Variants in LYRM4 observed in about 807,000 individuals in gnomAD.
LYRM4 encodes the protein LYR motif containing 4.
A neutral mutation model predicts 11.7 loss-of-function variants in LYRM4; 9 were observed. That is an observed-to-expected ratio of 0.77 (90% CI 0.46 to 1.34). The LOEUF (loss-of-function observed/expected upper bound fraction) is 1.34. Ranked by LOEUF, LYRM4 falls within the 40% of genes most tolerant of loss-of-function variation. The pLI is 0.00. For synonymous variants in LYRM4, 42 were observed against 40.4 expected (o/e 1.04, Z -0.15); for missense variants, 133 against 112.5 (o/e 1.18, Z -0.82).
At chr6:5,045,291 A>C in the LYRM4 span, among the ~76,000 whole-genome samples, 1 of 152,366 alleles carries the variant, frequency 6.6e-6, no homozygotes, top group African/African-American at 2.4e-5. Context: ...CTTAACAAGG[A>C]AGGAAGTCCC....
chr6:5,083,029 T>G, the LYRM4 span, among the ~76,000 whole-genome samples: 1 of 152,186 alleles, frequency 6.6e-6, no homozygotes, highest in Non-Finnish European at 1.5e-5. Context: ...TCCCACGCAC[T>G]GAGAGCTCCC....
intron 1 of LYRM4, among the ~76,000 whole-genome samples, chr6:5,226,510 G>A (rs951864723): frequency 2.6e-5 from 4 of 151,926 alleles, no homozygotes; most frequent in East Asian, 1.9e-4. Context: ...TCAGCCTCCC[G>A]AGTAGCTGGG....
At chr6:5,035,435 T>C in the LYRM4 span, among the ~76,000 whole-genome samples, 2 of 151,218 alleles carry the variant, frequency 1.3e-5, no homozygotes, top group African/African-American at 4.9e-5. Flanking sequence ...TGACATGCCC[T>C]GCACACACCT....
the LYRM4 span, chr6:5,043,382 A>G: frequency 6.6e-6 from 1 of 152,160 alleles, no homozygotes; most frequent in Non-Finnish European, 1.5e-5. Flanking sequence ...AGGCTGGCCT[A>G]CAAGGACTCC....
At chr6:5,036,270 C>T in the LYRM4 span, among the ~76,000 whole-genome samples, 78 of 152,126 alleles carry the variant, frequency 5.1e-4, 1 homozygote, top group African/African-American at 1.8e-3. Flanking sequence ...AGTGTAATTC[C>T]AGAATATTGA....
At chr6:5,091,237 G>A in the LYRM4 span, among the ~76,000 whole-genome samples, 5 of 152,186 alleles carry the variant, frequency 3.3e-5, no homozygotes, top group Admixed American at 6.5e-5. Flanking sequence ...TGACAATCCG[G>A]GCTCATTGCA....
intron 2 of LYRM4, among the ~76,000 whole-genome samples, chr6:5,127,728 T>A (rs765136953): frequency 2.0e-5 from 3 of 152,272 alleles, no homozygotes; most frequent in Non-Finnish European, 4.4e-5. Flanking sequence ...TTTTGCTTTT[T>A]AAAATGTGGC....
chr6:5,075,712 C>T, the LYRM4 span, among the ~76,000 whole-genome samples: 1 of 152,158 alleles, frequency 6.6e-6, no homozygotes, highest in African/African-American at 2.4e-5. Flanking sequence ...ATGTTGAGTG[C>T]TACATTGCTT....
intron 2 of LYRM4, among the ~76,000 whole-genome samples, chr6:5,132,458 A>G (rs569767465): frequency 6.6e-6 from 1 of 152,352 alleles, no homozygotes; most frequent in Non-Finnish European, 1.5e-5. Flanking sequence ...CTCCTCTGAA[A>G]GAATGTCTTC....
chr6:5,187,576 G>A (rs1248425586), intron 2 of LYRM4, among the ~76,000 whole-genome samples: 1 of 152,100 alleles, frequency 6.6e-6, no homozygotes, highest in Admixed American at 6.5e-5. Flanking sequence ...ACACAGGGCA[G>A]GGGAACATCA....
At chr6:5,053,410 G>T in the LYRM4 span, among the ~76,000 whole-genome samples, 11 of 152,218 alleles carry the variant, frequency 7.2e-5, no homozygotes, top group South Asian at 2.3e-3. Context: ...GGAGCAAGGA[G>T]AGAAGACAGG....
intron 2 of LYRM4, among the ~76,000 whole-genome samples, chr6:5,141,140 G>A (rs1757384827): frequency 6.6e-6 from 1 of 152,214 alleles, no homozygotes; most frequent in Non-Finnish European, 1.5e-5. Context: ...AAAAGAAGAT[G>A]GCACTGTTGA....
At chr6:5,258,840 T>G (rs1300681386) in intron 1 of LYRM4, among the ~76,000 whole-genome samples, 1 of 152,222 alleles carries the variant, frequency 6.6e-6, no homozygotes, top group Non-Finnish European at 1.5e-5. Context: ...CATTTTCAAT[T>G]TTCTGCCTTT....
chr6:5,251,549 C>T (rs1764429568), intron 1 of LYRM4, among the ~76,000 whole-genome samples: 1 of 152,112 alleles, frequency 6.6e-6, no homozygotes, highest in African/African-American at 2.4e-5. Flanking sequence ...GGAGATGCCA[C>T]ATACTTTAAA....
chr6:5,063,029 G>A, the LYRM4 span, among the ~76,000 whole-genome samples: 18 of 152,278 alleles, frequency 1.2e-4, no homozygotes, highest in East Asian at 3.5e-3. Context: ...CACTGGGTCT[G>A]CTCGTTCACA....
At chr6:5,179,177 T>A (rs115932030) in intron 2 of LYRM4, among the ~76,000 whole-genome samples, 1 of 151,860 alleles carries the variant, frequency 6.6e-6, no homozygotes, top group Non-Finnish European at 1.5e-5. Context: ...AAAATATATA[T>A]AACACAAAAT....
the LYRM4 span, among the ~76,000 whole-genome samples, chr6:5,057,297 G>A: frequency 6.6e-6 from 1 of 152,172 alleles, no homozygotes; most frequent in Non-Finnish European, 1.5e-5. Flanking sequence ...TCGACCTGAA[G>A]GGGGAGCTCA....
At chr6:5,075,730 A>T in the LYRM4 span, among the ~76,000 whole-genome samples, 2 of 152,352 alleles carry the variant, frequency 1.3e-5, no homozygotes, top group South Asian at 4.1e-4. Flanking sequence ...CTTTTTAAAA[A>T]ATTCTTATTA....
the LYRM4 span, among the ~76,000 whole-genome samples, chr6:5,074,727 A>G: frequency 6.6e-6 from 1 of 151,758 alleles, no homozygotes; most frequent in African/African-American, 2.4e-5. Context: ...GAAGTGATTA[A>G]GGGAAGTGAT....
Sources: allele counts gnomAD v4.1 joint callset (sites outside exome capture counted in the v4.1 genomes callset), GRCh38; gene constraint gnomAD v4.1.1; transcripts MANE v1.5; gene names NCBI Gene and HGNC (gene_info 2026-07-23, HGNC 2026-07-21).